EYS: variants seen among roughly 807,000 people sequenced by gnomAD.
EYS encodes EGF-like photoreceptor maintenance factor.
EYS carries 250 observed loss-of-function variants against 282.1 expected under a neutral mutation model. The ratio of observed to expected loss-of-function variants is 0.89; its 90% CI spans 0.80 to 0.98. EYS has a LOEUF of 0.98. Among genes scored for constraint, EYS ranks in the 50% least tolerant of loss-of-function variants. The pLI is 0.00. For missense variants in EYS, 4,016 were observed against 3,709.0 expected (o/e 1.08, Z -2.15); for synonymous variants, 1,355 against 1,282.9 (o/e 1.06, Z -1.20).
At chr6:65,576,337 A>G (rs182190999) in intron 2 of EYS, among the ~76,000 whole-genome samples, 1 of 152,130 alleles carries the variant, frequency 6.6e-6, no homozygotes, top group Non-Finnish European at 1.5e-5. Flanking sequence ...TGATATGATT[A>G]TCTCAATGCA....
intron 12 of EYS, among the ~76,000 whole-genome samples, chr6:65,234,345 A>G (rs1274777432): frequency 1.3e-5 from 2 of 152,116 alleles, no homozygotes; most frequent in Non-Finnish European, 2.9e-5. Flanking sequence ...TGTTCTTTCT[A>G]TCAAGGAACT....
intron 26 of EYS, among the ~76,000 whole-genome samples, chr6:64,588,180 A>G (rs1167562348): frequency 6.6e-6 from 1 of 152,090 alleles, no homozygotes; most frequent in Non-Finnish European, 1.5e-5. Flanking sequence ...TAGGAAGCCA[A>G]TTCAAAATTA....
At chr6:65,687,572 T>C (rs1325288279) in intron 1 of EYS, among the ~76,000 whole-genome samples, 1 of 152,114 alleles carries the variant, frequency 6.6e-6, no homozygotes, top group Admixed American at 6.6e-5. Flanking sequence ...AGTTTGGAAG[T>C]TCTGGCCAGG....
At chr6:65,609,003 T>C (rs982603834) in intron 2 of EYS, among the ~76,000 whole-genome samples, 34 of 152,094 alleles carry the variant, frequency 2.2e-4, no homozygotes, top group Non-Finnish European at 3.4e-4. Context: ...AAATCTTTTT[T>C]AATAAGTAGA....
intron 35 of EYS, among the ~76,000 whole-genome samples, chr6:63,904,306 AC>A (rs1309611610): frequency 6.6e-6 from 1 of 152,168 alleles, no homozygotes; most frequent in African/African-American, 2.4e-5. Context: ...TCATCTTAAT[AC>A]ATTCTTACTT....
At chr6:65,623,462 C>G (rs899091705) in intron 2 of EYS, among the ~76,000 whole-genome samples, 1 of 151,810 alleles carries the variant, frequency 6.6e-6, no homozygotes, top group African/African-American at 2.4e-5. Context: ...TAATTTTTAA[C>G]AGTTGTTTAT....
intron 19 of EYS, among the ~76,000 whole-genome samples, chr6:64,846,073 T>C (rs1765705125): frequency 6.6e-6 from 1 of 152,142 alleles, no homozygotes; most frequent in Non-Finnish European, 1.5e-5. Context: ...GTAAATCGAT[T>C]TCCTTGCTCA....
chr6:63,951,237 TTAC>T (rs1464965125), intron 35 of EYS, among the ~76,000 whole-genome samples: 1 of 152,170 alleles, frequency 6.6e-6, no homozygotes, highest in Non-Finnish European at 1.5e-5. Context: ...CCTAAATGCC[TTAC>T]TTTCTTCTGC....
intron 2 of EYS, among the ~76,000 whole-genome samples, chr6:65,540,826 G>C (rs1301652383): frequency 1.3e-5 from 2 of 152,104 alleles, no homozygotes; most frequent in Non-Finnish European, 2.9e-5. Flanking sequence ...GGGAGGCTGA[G>C]GCAGGAGAAT....
At chr6:64,757,462 G>A (rs1374747753) in intron 22 of EYS, among the ~76,000 whole-genome samples, 3 of 152,028 alleles carry the variant, frequency 2.0e-5, no homozygotes, top group African/African-American at 7.3e-5. Flanking sequence ...TTGAGGAGTG[G>A]CACATTAAAT....
At chr6:65,545,799 T>C (rs1222444475) in intron 2 of EYS, among the ~76,000 whole-genome samples, 2 of 152,108 alleles carry the variant, frequency 1.3e-5, no homozygotes, top group African/African-American at 4.8e-5. Context: ...AAAGACCAAT[T>C]ATTTCATGAC....
At chr6:65,499,678 C>T (rs754182286) in intron 2 of EYS, among the ~76,000 whole-genome samples, 6 of 151,782 alleles carry the variant, frequency 4.0e-5, no homozygotes, top group Non-Finnish European at 8.8e-5. Flanking sequence ...ACAGATTGGA[C>T]TAAAATTATA....
At chr6:65,221,050 A>G (rs1472250321) in intron 12 of EYS, among the ~76,000 whole-genome samples, 1 of 152,196 alleles carries the variant, frequency 6.6e-6, no homozygotes, top group African/African-American at 2.4e-5. Flanking sequence ...GGGTACTGTA[A>G]AATCATTCAA....
At chr6:64,999,841 G>A (rs1583380133) in intron 13 of EYS, among the ~76,000 whole-genome samples, 1 of 152,106 alleles carries the variant, frequency 6.6e-6, no homozygotes, top group Non-Finnish European at 1.5e-5. Context: ...CCAGGACGCC[G>A]AGCACCCCAA....
intron 1 of EYS, among the ~76,000 whole-genome samples, chr6:65,646,669 G>C (rs1290730575): frequency 6.6e-6 from 1 of 152,126 alleles, no homozygotes; most frequent in Non-Finnish European, 1.5e-5. Flanking sequence ...TGAAGTTCTA[G>C]CTAGAGCAAT....
chr6:64,190,171 A>G (rs1376643075), intron 31 of EYS, among the ~76,000 whole-genome samples: 1 of 152,188 alleles, frequency 6.6e-6, no homozygotes, highest in Non-Finnish European at 1.5e-5. Flanking sequence ...TGAGCACGCT[A>G]GAGAACCATC....
chr6:64,151,359 A>ATATATG (rs1774725115), intron 31 of EYS, among the ~76,000 whole-genome samples: 1 of 88,870 alleles, frequency 1.1e-5, no homozygotes, highest in Non-Finnish European at 2.3e-5. Context: ...ATATATATAT[A>ATATATG]TATAATTTTT....
At chr6:63,888,904 A>C (rs528327574) in intron 35 of EYS, among the ~76,000 whole-genome samples, 58 of 152,330 alleles carry the variant, frequency 3.8e-4, no homozygotes, top group African/African-American at 1.4e-3. Context: ...AAAAGGTTAG[A>C]GAAATTTCAA....
Position 65,119,490 on chromosome 6 carries a change from T to C in EYS, c.2024-61763A>G, listed in dbSNP as rs577655644. The stretch of plus-strand genomic sequence containing the variant: ...GTAAACTTGAGTCATTATCAGATGT[T>C]CAAGCACTGATGGTCATCATTCACC... On this transcript the variant is annotated intron_variant, in intron 12 of 42. Coordinates refer to ENST00000503581, the MANE Select transcript of EYS (RefSeq NM_001142800.2). 4.2e-3 allele frequency among the ~76,000 whole-genome samples: 641 copies of C among 152,128 alleles called. 7 individuals carry two copies. Among genetic ancestry groups the C allele is most frequent in the Admixed American group, 7.9e-3 (120 of 15,264 alleles).
Sources: gnomAD v4.1 joint callset for allele counts (sites outside exome capture counted in the v4.1 genomes callset) on GRCh38, gnomAD v4.1.1 for gene constraint, MANE v1.5 for transcripts, NCBI Gene and HGNC (gene_info 2026-07-23, HGNC 2026-07-21) for gene names.